Variants in HYDIN observed in about 807,000 individuals in gnomAD.
The protein encoded by HYDIN is HYDIN axonemal central pair apparatus protein.
HYDIN carries 132 observed loss-of-function variants against 403.9 expected under a neutral mutation model. The ratio of observed to expected loss-of-function variants is 0.33; its 90% CI spans 0.28 to 0.38. The LOEUF (loss-of-function observed/expected upper bound fraction) is 0.38, where lower values mean the gene tolerates loss of function less well. HYDIN is among the 10% of genes least tolerant of loss of function. The probability of loss-of-function intolerance (pLI) is 1.00; values close to 1 mark genes in which losing one functional copy is unlikely to be tolerated. For missense variants in HYDIN, 2,827 were observed against 5,009.5 expected (o/e 0.56, Z 13.15); for synonymous variants, 1,202 against 1,891.7 (o/e 0.64, Z 9.46).
At chr16:71,044,193 G>A (rs1397496116) in intron 18 of HYDIN, among the ~76,000 whole-genome samples, 2 of 145,274 alleles carry the variant, frequency 1.4e-5, no homozygotes, top group Admixed American at 6.9e-5. Flanking sequence ...GGAGAAGGGC[G>A]CTGGAATTGT....
rs561667551 is a variant in HYDIN, at chr16:71,067,307, C to A, written c.2058G>T (p.Ala686=). 1 of 1,611,328 alleles carries A rather than the reference C, an allele frequency of 6.2e-7. No individual in the cohort carries two copies. The highest frequency in any genetic ancestry group is 8.5e-7 in the Non-Finnish European group (1 of 1,178,084). ...DVEGIGEEVL[A]LLITARCVVP... ...AGCAATACCTTGCTGTAATTAAGAG[C>A]GCCAGCACCTCTTCTCCGATGCCCT... Residue 686 remains alanine, a synonymous_variant, in exon 15 of 86, where the codon GCG becomes GCT. Coordinates refer to ENST00000393567, the MANE Select transcript of HYDIN (RefSeq NM_001270974.2).
rs908843534 is a variant in HYDIN, at chr16:71,162,678, G to A, written c.569C>T (p.Pro190Leu). ...CVTEREKFIV[P>L]IKARGARAIL... ...GGCTCGTGCCCCTCTAGCTTTGATGGGTACAATAAACTTTTCTCTTTCAGT... is the reference window on the plus strand; with the variant it reads ...GGCTCGTGCCCCTCTAGCTTTGATGAGTACAATAAACTTTTCTCTTTCAGT... Residue 190 changes from proline to leucine, a missense_variant, in exon 6 of 86, where the codon CCC (proline) becomes CTC (leucine). Coordinates refer to ENST00000393567, the MANE Select transcript of HYDIN (RefSeq NM_001270974.2). 1.3e-6 allele frequency: 1 copy of A among 771,742 alleles called. No homozygotes were observed. Among genetic ancestry groups the A allele is most frequent in the Non-Finnish European group, 2.3e-6 (1 of 431,370 alleles). 47.8% of individuals were successfully genotyped at this position (771,742 alleles called of 1,614,324 possible).
intron 5 of HYDIN, among the ~76,000 whole-genome samples, chr16:71,164,951 A>G (rs1446630935): frequency 6.6e-6 from 1 of 152,244 alleles, no homozygotes; most frequent in East Asian, 1.9e-4. Context: ...ATTTCTTGAT[A>G]CAATCCATAG....
chr16:71,170,571 C>A (rs1306335184), intron 5 of HYDIN, among the ~76,000 whole-genome samples: 2 of 151,924 alleles, frequency 1.3e-5, no homozygotes, highest in Non-Finnish European at 2.9e-5. Context: ...TTTAAGAAAA[C>A]CAACTTTAAA....
intron 41 of HYDIN, among the ~76,000 whole-genome samples, chr16:70,949,649 T>C (rs552884844): frequency 1.3e-5 from 2 of 152,314 alleles, no homozygotes; most frequent in African/African-American, 4.8e-5. Flanking sequence ...TCATGCTTTA[T>C]GAGAGCTTCA....
At chr16:71,208,030 G>T (rs1278160962) in intron 1 of HYDIN, among the ~76,000 whole-genome samples, 2 of 152,028 alleles carry the variant, frequency 1.3e-5, no homozygotes, top group Non-Finnish European at 2.9e-5. Flanking sequence ...AATTAACAAA[G>T]AAAGTCAGGA....
At chr16:71,011,971 AC>A (rs2144102378) in intron 23 of HYDIN, among the ~76,000 whole-genome samples, 1 of 152,296 alleles carries the variant, frequency 6.6e-6, no homozygotes, top group East Asian at 1.9e-4. Flanking sequence ...TGATTCACAA[AC>A]GAAGAGCCAA....
chr16:71,215,117 G>A (rs171013), intron 1 of HYDIN, among the ~76,000 whole-genome samples: 19,215 of 152,114 alleles, frequency 0.13, 1,578 homozygotes, highest in Middle Eastern at 0.23. Context: ...AGGCCAACTT[G>A]CAGGGTTCTC....
At chr16:70,864,399 G>GTTTT (rs1276972037) in intron 67 of HYDIN, among the ~76,000 whole-genome samples, 1 of 97,490 alleles carries the variant, frequency 1.0e-5, no homozygotes, top group South Asian at 5.0e-4. Context: ...GGGAGGCAGA[G>GTTTT]TTTTTTTCTG....
At chr16:71,096,023 T>C (rs2144390643) in intron 10 of HYDIN, among the ~76,000 whole-genome samples, 1 of 145,508 alleles carries the variant, frequency 6.9e-6, no homozygotes, top group East Asian at 2.0e-4. Flanking sequence ...TTCTTCTTAA[T>C]GGTTATATGG....
intron 1 of HYDIN, among the ~76,000 whole-genome samples, chr16:71,201,163 T>C (rs1048073115): frequency 6.6e-6 from 1 of 152,158 alleles, no homozygotes. Flanking sequence ...GATATAAATA[T>C]GTAACTAAAT....
At chr16:71,130,777 C>T (rs1162668194) in intron 8 of HYDIN, among the ~76,000 whole-genome samples, 59 of 151,614 alleles carry the variant, frequency 3.9e-4, no homozygotes, top group Middle Eastern at 3.4e-3. Context: ...CGTGAGCCAC[C>T]GCGCCCGGCC....
chr16:71,133,668 G>T (rs927439494), intron 8 of HYDIN, among the ~76,000 whole-genome samples: 6 of 152,116 alleles, frequency 3.9e-5, no homozygotes, highest in African/African-American at 1.4e-4. Context: ...TGGGGAAATG[G>T]GGAGCAAAAA....
At chr16:70,850,180 T>C (rs1466062774) in intron 74 of HYDIN, among the ~76,000 whole-genome samples, 1 of 151,806 alleles carries the variant, frequency 6.6e-6, no homozygotes, top group African/African-American at 2.4e-5. Flanking sequence ...TAGACCTTTG[T>C]TGGTAGTCAA....
chr16:70,816,089 G>C (rs1277917444), intron 84 of HYDIN, among the ~76,000 whole-genome samples: 1 of 152,200 alleles, frequency 6.6e-6, no homozygotes, highest in Non-Finnish European at 1.5e-5. Context: ...AGCTAACTGA[G>C]TGAGACTCTG....
At chr16:71,186,738 A>C (rs374905019) in intron 2 of HYDIN, 23 bp downstream of exon 2, 1 of 1,594,380 alleles carries the variant, frequency 6.3e-7, no homozygotes, top group African/African-American at 1.3e-5. Context: ...AGTATTTTAC[A>C]TATTAATTCC....
intron 53 of HYDIN, among the ~76,000 whole-genome samples, chr16:70,900,224 C>T (rs1365660020): frequency 6.6e-6 from 1 of 151,964 alleles, no homozygotes; most frequent in Non-Finnish European, 1.5e-5. Context: ...GCCTGTAATC[C>T]CAGCACTTTG....
intron 1 of HYDIN, among the ~76,000 whole-genome samples, chr16:71,227,718 G>A (rs1304204508): frequency 1.3e-5 from 2 of 152,170 alleles, no homozygotes; most frequent in Non-Finnish European, 2.9e-5. Flanking sequence ...TCAATATCGT[G>A]AAAATGGCCA....
chr16:71,180,334 G>A (rs552295621), intron 3 of HYDIN, among the ~76,000 whole-genome samples: 1 of 152,042 alleles, frequency 6.6e-6, no homozygotes, highest in South Asian at 2.1e-4. Flanking sequence ...CAGAACATCT[G>A]AATAGTTCTA....
Sources: allele counts gnomAD v4.1 joint callset (sites outside exome capture counted in the v4.1 genomes callset), GRCh38; gene constraint gnomAD v4.1.1; transcripts MANE v1.5; gene names NCBI Gene and HGNC (gene_info 2026-07-23, HGNC 2026-07-21).